The following PPP3CC variants were observed in gnomAD, a reference collection of about 807,000 sequenced individuals.
The protein encoded by PPP3CC is protein phosphatase 3 catalytic subunit gamma.
A neutral mutation model predicts 60.3 loss-of-function variants in PPP3CC; 35 were observed. That is an observed-to-expected ratio of 0.58 (90% CI 0.44 to 0.77). PPP3CC has a LOEUF of 0.77. Ranked by LOEUF, PPP3CC falls within the 30% of genes least tolerant of loss-of-function variation. The pLI is 0.00. For missense variants in PPP3CC, 570 were observed against 628.9 expected, an observed-to-expected ratio of 0.91 and a Z score of 1.00; for synonymous variants, 206 against 224.3, an observed-to-expected ratio of 0.92 and a Z score of 0.73.
chr8:22,524,238 T>C (rs1180294047), intron 8 of PPP3CC, among the ~76,000 whole-genome samples: 5 of 152,236 alleles, frequency 3.3e-5, no homozygotes, highest in Non-Finnish European at 5.9e-5. Flanking sequence ...CTCATTACTT[T>C]ATAGTTATAC....
intron 1 of PPP3CC, among the ~76,000 whole-genome samples, chr8:22,465,701 A>G (rs1339255627): frequency 6.6e-6 from 1 of 152,214 alleles, no homozygotes; most frequent in Non-Finnish European, 1.5e-5. Flanking sequence ...ACTATGAATG[A>G]GTAAATTTCT....
At chr8:22,473,754 C>T (rs1323832738) in intron 1 of PPP3CC, among the ~76,000 whole-genome samples, 1 of 151,614 alleles carries the variant, frequency 6.6e-6, no homozygotes, top group East Asian at 2.0e-4. Flanking sequence ...GTGAGCCACA[C>T]CACACCCGGC....
At chr8:22,449,308 G>A (rs1363846732) in intron 1 of PPP3CC, among the ~76,000 whole-genome samples, 2 of 151,834 alleles carry the variant, frequency 1.3e-5, no homozygotes, top group South Asian at 2.1e-4. Context: ...AATTAGCCAG[G>A]TGTGGTGGCC....
At chr8:22,484,206 G>C (rs1215382983) in intron 3 of PPP3CC, among the ~76,000 whole-genome samples, 1 of 151,926 alleles carries the variant, frequency 6.6e-6, no homozygotes, top group East Asian at 1.9e-4. Flanking sequence ...CACAAGAACT[G>C]AAAAAACATT....
At chr8:22,533,815 A>T (rs1839781724) in intron 12 of PPP3CC, among the ~76,000 whole-genome samples, 1 of 152,032 alleles carries the variant, frequency 6.6e-6, no homozygotes, top group African/African-American at 2.4e-5. Flanking sequence ...ACAGAGTGAG[A>T]CTCCATCTCA....
intron 2 of PPP3CC, among the ~76,000 whole-genome samples, 155 bp downstream of exon 2, chr8:22,475,306 A>G (rs1265808015): frequency 1.3e-5 from 2 of 152,256 alleles, no homozygotes; most frequent in Non-Finnish European, 2.9e-5. Flanking sequence ...TTGTTAATTG[A>G]AGAAATACAA....
intron 9 of PPP3CC, among the ~76,000 whole-genome samples, chr8:22,527,765 A>T (rs1211046358): frequency 8.6e-5 from 13 of 151,642 alleles, no homozygotes; most frequent in Non-Finnish European, 1.2e-4. Flanking sequence ...CCTTCTGAGG[A>T]GCTGGGATTA....
chr8:22,499,177 C>T (rs1244503470), intron 4 of PPP3CC, among the ~76,000 whole-genome samples: 3 of 150,878 alleles, frequency 2.0e-5, no homozygotes, highest in Non-Finnish European at 4.4e-5. Context: ...CGGTGGCTCA[C>T]GCCTGTAATC....
At chr8:22,451,390 C>G (rs1466304010) in intron 1 of PPP3CC, among the ~76,000 whole-genome samples, 2 of 152,194 alleles carry the variant, frequency 1.3e-5, no homozygotes, top group African/African-American at 4.8e-5. Context: ...CCCTCCTCGG[C>G]CTCCCAAAGT....
chr8:22,482,047 C>T (rs765811320), intron 3 of PPP3CC, among the ~76,000 whole-genome samples: 11 of 152,058 alleles, frequency 7.2e-5, no homozygotes, highest in Admixed American at 2.0e-4. Flanking sequence ...TGAGTATATA[C>T]GCGATAATGG....
chr8:22,480,949 T>A (rs1838045618), intron 3 of PPP3CC, among the ~76,000 whole-genome samples: 1 of 152,188 alleles, frequency 6.6e-6, no homozygotes, highest in Non-Finnish European at 1.5e-5. Context: ...AAAAAAGACT[T>A]AATTGAGGAT....
At chr8:22,449,959 C>T (rs184760148) in intron 1 of PPP3CC, among the ~76,000 whole-genome samples, 23 of 151,280 alleles carry the variant, frequency 1.5e-4, no homozygotes, top group Admixed American at 1.4e-3. Flanking sequence ...CTCTGTCTCC[C>T]GGGTTCAAGT....
chr8:22,539,653 G>A (rs953904675), intron 13 of PPP3CC, among the ~76,000 whole-genome samples, 155 bp downstream of exon 13: 1 of 152,212 alleles, frequency 6.6e-6, no homozygotes, highest in African/African-American at 2.4e-5. Flanking sequence ...CGAAGCAGGT[G>A]TTTCCTTTGT....
chr8:22,531,456 G>GT (rs1440819955), intron 10 of PPP3CC: 1 of 962,408 alleles, frequency 1.0e-6, no homozygotes, highest in Non-Finnish European at 1.6e-6. Flanking sequence ...CAGTTTTAAT[G>GT]TATATGTTTT....
chr8:22,515,501 G>A (rs866427280), intron 6 of PPP3CC, among the ~76,000 whole-genome samples: 19 of 152,312 alleles, frequency 1.2e-4, no homozygotes, highest in Non-Finnish European at 1.8e-4. Flanking sequence ...TAGTGAGATT[G>A]CTGAATTACA....
At chr8:22,464,554 G>A (rs1049179944) in intron 1 of PPP3CC, among the ~76,000 whole-genome samples, 2 of 152,018 alleles carry the variant, frequency 1.3e-5, no homozygotes, top group South Asian at 2.1e-4. Flanking sequence ...TAATTTTTGT[G>A]TTTTTTTGGT....
chr8:22,486,691 C>A (rs1459297720), intron 3 of PPP3CC, among the ~76,000 whole-genome samples: 1 of 151,676 alleles, frequency 6.6e-6, no homozygotes, highest in Admixed American at 6.6e-5. Context: ...GTACACCAAA[C>A]CTGGACATCT....
At chr8:22,441,559 C>T (rs901388609) in intron 1 of PPP3CC, 101 bp downstream of exon 1, 2 of 1,306,550 alleles carry the variant, frequency 1.5e-6, no homozygotes, top group Non-Finnish European at 2.0e-6. Flanking sequence ...CTGCGCCCAC[C>T]CTAGGAGGGC....
chr8:22,480,986 T>A (rs1318903474), intron 3 of PPP3CC, among the ~76,000 whole-genome samples: 1 of 152,158 alleles, frequency 6.6e-6, no homozygotes, highest in East Asian at 1.9e-4. Flanking sequence ...TTGTCAAAGA[T>A]GTCAAAAGGC....
Sources: allele counts gnomAD v4.1 joint callset (sites outside exome capture counted in the v4.1 genomes callset), GRCh38; gene constraint gnomAD v4.1.1; transcripts MANE v1.5; gene names NCBI Gene and HGNC (gene_info 2026-07-23, HGNC 2026-07-21).